TMPRSS11A: variants seen among roughly 807,000 people sequenced by gnomAD.
TMPRSS11A encodes the protein transmembrane protease serine 11A.
In TMPRSS11A, 53 loss-of-function variants were observed where a neutral mutation model predicts 58.9. The observed-to-expected ratio is 0.90, with a 90% CI of 0.72 to 1.13. The LOEUF (loss-of-function observed/expected upper bound fraction) is 1.13. Ranked by LOEUF, TMPRSS11A falls within the 50% of genes most tolerant of loss-of-function variation. TMPRSS11A has a pLI of 0.00. For synonymous variants in TMPRSS11A, 167 were observed against 169.8 expected, an observed-to-expected ratio of 0.98 and a Z score of 0.13; for missense variants, 493 against 499.3, an observed-to-expected ratio of 0.99 and a Z score of 0.12.
At position 67,911,432 on chromosome 4, in the gene TMPRSS11A, C is replaced by T. The variant is rs770583995; in HGVS notation, c.1167G>A (p.Trp389Ter). The stretch of plus-strand genomic sequence containing the variant: ...TGTCCTTTTGACCACAGTTATCTCC[C>T]CAGCTTACAATTCCAATGAGATACC... ...DTWYLIGIVS[W>*]GDNCGQKDKP... The change falls in exon 10 of 10, where the codon TGG becomes TGA. Residue 389 changes from tryptophan to a stop codon, truncating the protein, a stop_gained. Coordinates refer to ENST00000508048, the MANE Select transcript of TMPRSS11A (RefSeq NM_001114387.2). LOFTEE classifies it high-confidence loss of function. 7.4e-6 allele frequency: 12 copies of T among 1,613,374 alleles called. No individual in the cohort carries two copies. The highest frequency in any genetic ancestry group is 1.0e-5 in the Non-Finnish European group (12 of 1,179,614).
At chr4:67,948,144 T>C (rs970023193) in intron 1 of TMPRSS11A, among the ~76,000 whole-genome samples, 1 of 106,896 alleles carries the variant, frequency 9.4e-6, no homozygotes, top group African/African-American at 3.2e-5. Context: ...AAACAGTTTT[T>C]TTCTTTTTTT....
In TMPRSS11A at chr4:67,963,452, C is replaced by T. The variant is rs781473537; in HGVS notation, c.-59G>A. 3.6e-5 allele frequency: 56 copies of T among 1,576,018 alleles called. No homozygotes were observed. Among genetic ancestry groups the T allele is most frequent in the Non-Finnish European group, 4.8e-5 (55 of 1,148,652 alleles). Reference sequence around the variant, plus strand: ...CACCCACTGAACTCAACTTTCTAATCAACTATATGACATCTCTAGATGTAT... The same window carrying T: ...CACCCACTGAACTCAACTTTCTAATTAACTATATGACATCTCTAGATGTAT... On this transcript the variant is annotated 5_prime_UTR_variant, in exon 1 of 10. The change abolishes the stop of an existing upstream ORF in the 5' untranslated region. Transcript: ENST00000508048.
chr4:67,922,962 A>G (rs1344107941), intron 6 of TMPRSS11A, 36 bp from the exon 7 acceptor site: 2 of 1,601,196 alleles, frequency 1.2e-6, no homozygotes, highest in Non-Finnish European at 1.7e-6. Context: ...TATAAGAAAC[A>G]TCTTGTAATT....
chr4:67,959,714 A>G (rs1027072419), intron 1 of TMPRSS11A, among the ~76,000 whole-genome samples: 3 of 152,232 alleles, frequency 2.0e-5, no homozygotes, highest in Non-Finnish European at 2.9e-5. Context: ...ATTTTTATAC[A>G]CTGTAGGTGG....
intron 7 of TMPRSS11A, among the ~76,000 whole-genome samples, chr4:67,922,166 T>C (rs765117368): frequency 3.3e-5 from 5 of 152,216 alleles, no homozygotes; most frequent in Non-Finnish European, 5.9e-5. Context: ...TATGAATCCT[T>C]TGATACTCCG....
At chr4:67,955,076 T>C (rs1423636349) in intron 1 of TMPRSS11A, among the ~76,000 whole-genome samples, 1 of 152,166 alleles carries the variant, frequency 6.6e-6, no homozygotes, top group African/African-American at 2.4e-5. Flanking sequence ...CAGTAGCACT[T>C]TAGATTTTAA....
intron 3 of TMPRSS11A, among the ~76,000 whole-genome samples, chr4:67,935,563 CTT>C (rs974670649): frequency 4.6e-5 from 7 of 152,134 alleles, no homozygotes; most frequent in African/African-American, 1.7e-4. Flanking sequence ...TATATAGTCT[CTT>C]TTATTAAACG....
chr4:67,920,726 C>A (rs1577853722), intron 7 of TMPRSS11A, among the ~76,000 whole-genome samples: 1 of 151,646 alleles, frequency 6.6e-6, no homozygotes, highest in East Asian at 1.9e-4. Flanking sequence ...TTTCATCACC[C>A]AGGTATTAAG....
intron 3 of TMPRSS11A, among the ~76,000 whole-genome samples, chr4:67,941,098 C>T (rs964896043): frequency 3.3e-5 from 5 of 152,086 alleles, no homozygotes; most frequent in African/African-American, 7.2e-5. Context: ...GGAACAGGGG[C>T]GGATTATAGC....
chr4:67,931,545 T>TA (rs1245763834), intron 4 of TMPRSS11A, among the ~76,000 whole-genome samples: 1 of 152,216 alleles, frequency 6.6e-6, no homozygotes, highest in Non-Finnish European at 1.5e-5. Flanking sequence ...AGGCATGCCT[T>TA]ATGTCATTCG....
Position 67,944,444 on chromosome 4 carries a change from A to G in TMPRSS11A, c.252+75T>C. ...TTGGCGGTCTGAAAATCATGTTTTT[A>G]GAAATGGAGAAATGATCCACAAAAT... On this transcript the variant is annotated intron_variant, in intron 3 of 9. Coordinates refer to ENST00000508048, the MANE Select transcript of TMPRSS11A (RefSeq NM_001114387.2). The G allele has an allele frequency of 2.1e-5, 32 of 1,508,986 alleles. 1 individual carries two copies. In the South Asian group the frequency reaches 3.9e-4, roughly 18 times the overall value. The allele number at this position is 1,508,986 out of a possible 1,614,324, so 93.5% of individuals were successfully genotyped here.
chr4:67,935,650 T>C (rs1030400728), intron 3 of TMPRSS11A, among the ~76,000 whole-genome samples: 3 of 152,198 alleles, frequency 2.0e-5, no homozygotes, highest in Non-Finnish European at 4.4e-5. Flanking sequence ...CTTTGCATGC[T>C]GTTGGTATGT....
At chr4:67,952,475 T>A (rs1365785054) in intron 1 of TMPRSS11A, among the ~76,000 whole-genome samples, 2 of 152,206 alleles carry the variant, frequency 1.3e-5, no homozygotes, top group African/African-American at 4.8e-5. Flanking sequence ...ATCTTCATTG[T>A]GATTATGTTT....
At chr4:67,912,871 A>T (rs1004531968) in intron 9 of TMPRSS11A, among the ~76,000 whole-genome samples, 5 of 150,800 alleles carry the variant, frequency 3.3e-5, no homozygotes, top group Admixed American at 6.6e-5. Flanking sequence ...AGCATTCTTT[A>T]TTTTTTTTTA....
intron 4 of TMPRSS11A, among the ~76,000 whole-genome samples, chr4:67,930,318 T>C (rs976255257): frequency 4.6e-5 from 7 of 152,210 alleles, no homozygotes; most frequent in African/African-American, 1.7e-4. Context: ...CTCTGAGAGT[T>C]AGAAGAAGCC....
At chr4:67,934,241 T>A (rs775009531) in intron 3 of TMPRSS11A, among the ~76,000 whole-genome samples, 1 of 152,182 alleles carries the variant, frequency 6.6e-6, no homozygotes, top group African/African-American at 2.4e-5. Context: ...GCAGAGGGAC[T>A]GGTAAAAAGA....
At chr4:67,942,363 C>T (rs1577865728) in intron 3 of TMPRSS11A, among the ~76,000 whole-genome samples, 1 of 152,118 alleles carries the variant, frequency 6.6e-6, no homozygotes, top group East Asian at 1.9e-4. Context: ...TCATTAGTGT[C>T]CTTACAAAAG....
intron 9 of TMPRSS11A, among the ~76,000 whole-genome samples, chr4:67,913,698 A>G (rs1214931268): frequency 6.6e-6 from 1 of 152,188 alleles, no homozygotes; most frequent in Non-Finnish European, 1.5e-5. Flanking sequence ...TTAGCAACCG[A>G]GGCTGGCTGT....
intron 9 of TMPRSS11A, among the ~76,000 whole-genome samples, chr4:67,913,837 A>C (rs1369541681): frequency 2.6e-5 from 4 of 152,200 alleles, no homozygotes; most frequent in Non-Finnish European, 5.9e-5. Flanking sequence ...TATCAATACC[A>C]TTCCATCATT....
Sources: allele counts gnomAD v4.1 joint callset (sites outside exome capture counted in the v4.1 genomes callset), GRCh38; gene constraint gnomAD v4.1.1; transcripts MANE v1.5; gene names NCBI Gene and HGNC (gene_info 2026-07-23, HGNC 2026-07-21).